TMCC1: variants seen among roughly 807,000 people sequenced by gnomAD.
TMCC1 encodes transmembrane and coiled-coil domains protein 1.
TMCC1 carries 15 observed loss-of-function variants against 52.4 expected under a neutral mutation model. The ratio of observed to expected loss-of-function variants is 0.29; its 90% confidence interval spans 0.19 to 0.44. The LOEUF is 0.44. Among genes scored for constraint, TMCC1 ranks in the 20% least tolerant of loss-of-function variants. The pLI is 1.00. For missense variants in TMCC1, 503 were observed against 806.0 expected (o/e 0.62, Z 4.55); for synonymous variants, 279 against 301.9 (o/e 0.92, Z 0.79).
At chr3:129,706,267 G>A (rs577283727) in intron 4 of TMCC1, among the ~76,000 whole-genome samples, 23 of 151,314 alleles carry the variant, frequency 1.5e-4, no homozygotes, top group African/African-American at 3.2e-4. Flanking sequence ...TGCAGTGCGC[G>A]ATCTCGGCTT....
intron 6 of TMCC1, among the ~76,000 whole-genome samples, chr3:129,652,489 A>G (rs943569205): frequency 6.6e-6 from 1 of 152,208 alleles, no homozygotes; most frequent in Non-Finnish European, 1.5e-5. Flanking sequence ...AATAGAGATC[A>G]TAAGACTGAC....
intron 4 of TMCC1, among the ~76,000 whole-genome samples, chr3:129,801,082 C>T (rs138225849): frequency 6.6e-6 from 1 of 152,038 alleles, no homozygotes; most frequent in African/African-American, 2.4e-5. Context: ...CGCCACCACG[C>T]CCAGCTGATT....
chr3:129,698,487 G>A (rs986555176), intron 4 of TMCC1, among the ~76,000 whole-genome samples: 1 of 152,176 alleles, frequency 6.6e-6, no homozygotes, highest in African/African-American at 2.4e-5. Context: ...CTGTCTGGGA[G>A]AGAATATAAA....
At chr3:129,761,754 G>T (rs1378706193) in intron 4 of TMCC1, among the ~76,000 whole-genome samples, 1 of 152,078 alleles carries the variant, frequency 6.6e-6, no homozygotes, top group African/African-American at 2.4e-5. Context: ...ACTTTGGGAC[G>T]CTGAGGCAGG....
chr3:129,880,941 G>A (rs1437452574), intron 1 of TMCC1, among the ~76,000 whole-genome samples: 2 of 147,478 alleles, frequency 1.4e-5, no homozygotes, highest in African/African-American at 2.5e-5. Flanking sequence ...TTGGCTCACT[G>A]CAACCTCCAC....
At chr3:129,688,422 T>TC in intron 4 of TMCC1, 1 of 985,376 alleles carries the variant, frequency 1.0e-6, no homozygotes, top group Non-Finnish European at 1.2e-6. Context: ...GGGAATGCTT[T>TC]CCCCCACCAA....
chr3:129,832,639 A>T (rs1374536803), intron 3 of TMCC1, 135 bp downstream of exon 3: 1 of 152,146 alleles, frequency 6.6e-6, no homozygotes, highest in African/African-American at 2.4e-5. Context: ...TTATATACAA[A>T]TTGCTTTGTC....
chr3:129,736,512 T>C lies in TMCC1; in HGVS notation c.577-65248A>G, dbSNP rs577506330. Among the ~76,000 whole-genome samples the C allele has an allele frequency of 8.6e-5, 13 of 151,754 alleles. No individual in the cohort carries two copies. The South Asian group carries it at 1.9e-3, about 22-fold the overall frequency. ...AAGGCTGGACTAGTAATGACAATTA[T>C]TATTTTCTTTTCTTTTTTTTTTTTT... On this transcript the variant is annotated intron_variant, in intron 4 of 6. Coordinates refer to ENST00000393238, the MANE Select transcript of TMCC1 (RefSeq NM_001017395.5).
chr3:129,809,651 AG>A (rs1304787219), intron 4 of TMCC1, among the ~76,000 whole-genome samples: 1 of 152,194 alleles, frequency 6.6e-6, no homozygotes, highest in Non-Finnish European at 1.5e-5. Flanking sequence ...AAAAATCTCC[AG>A]GGTGCAAAAG....
intron 4 of TMCC1, among the ~76,000 whole-genome samples, chr3:129,771,646 G>A (rs1158544482): frequency 2.6e-5 from 4 of 151,740 alleles, no homozygotes; most frequent in African/African-American, 9.7e-5. Flanking sequence ...GTGGTGGCAC[G>A]CATCTGTGGT....
intron 2 of TMCC1, among the ~76,000 whole-genome samples, chr3:129,879,311 A>T (rs1006582692): frequency 6.6e-6 from 1 of 152,106 alleles, no homozygotes; most frequent in Non-Finnish European, 1.5e-5. Context: ...TCACAGTGGC[A>T]TATGCCTGCA....
At chr3:129,709,497 A>AAAAGAGAG (rs554837910) in intron 4 of TMCC1, among the ~76,000 whole-genome samples, 30 of 64,072 alleles carry the variant, frequency 4.7e-4, no homozygotes, top group South Asian at 2.3e-3. Flanking sequence ...AAAAAAAAAA[A>AAAAGAGAG]AGAGAGAGAG....
chr3:129,841,939 T>C (rs936496798), intron 2 of TMCC1, among the ~76,000 whole-genome samples: 1 of 152,194 alleles, frequency 6.6e-6, no homozygotes, highest in Non-Finnish European at 1.5e-5. Context: ...CTTTTCTTTA[T>C]AGATTACCCA....
In TMCC1 at chr3:129,663,747, TAA is replaced by T. The variant is rs1486219744; in HGVS notation, c.1511+6581_1511+6582del. On this transcript the variant is annotated intron_variant, in intron 5 of 6. Coordinates refer to ENST00000393238, the MANE Select transcript of TMCC1 (RefSeq NM_001017395.5). ...CTTTCTGGGCAACTTGCAGACTTGG[TAA>T]TGACAGCTTTCTAACATTCTGGCAC... Among the ~76,000 whole-genome samples, 11 of 152,310 alleles carry T rather than the reference TAA, an allele frequency of 7.2e-5. No homozygotes were observed. In the South Asian group the frequency reaches 2.3e-3, roughly 32 times the overall value.
chr3:129,781,538 T>C (rs533988011), intron 4 of TMCC1, among the ~76,000 whole-genome samples: 11 of 152,284 alleles, frequency 7.2e-5, no homozygotes, highest in Admixed American at 1.3e-4. Context: ...AACTTAGTTT[T>C]ATCTTCTTTC....
At chr3:129,755,039 C>T (rs2052876066) in intron 4 of TMCC1, among the ~76,000 whole-genome samples, 1 of 152,136 alleles carries the variant, frequency 6.6e-6, no homozygotes, top group Admixed American at 6.6e-5. Context: ...GATCGCACCA[C>T]TGCACTCCAG....
In TMCC1 at chr3:129,811,744, G is replaced by C. The variant is rs1043694622; in HGVS notation, c.576+16059C>G. Among the ~76,000 whole-genome samples, 15 of 151,976 alleles carry C rather than the reference G, an allele frequency of 9.9e-5. No homozygotes were observed. The South Asian group carries it at 2.9e-3, about 29-fold the overall frequency. On this transcript the variant is annotated intron_variant, in intron 4 of 6. Transcript: ENST00000393238. ...AGATCACCTGAGGTCAGGGGTTCGA[G>C]CCCAGCCTGGCCAACATGGCGAAAC... is the stretch of plus-strand genomic sequence containing the variant.
chr3:129,682,936 A>G (rs2089124211), intron 4 of TMCC1, among the ~76,000 whole-genome samples: 2 of 152,178 alleles, frequency 1.3e-5, no homozygotes, highest in African/African-American at 4.8e-5. Context: ...CCCGGGTTCA[A>G]CTGATTCTCC....
chr3:129,708,361 A>T lies in TMCC1; in HGVS notation c.577-37097T>A, dbSNP rs796384071. Among the ~76,000 whole-genome samples, 16 of 152,308 alleles carry T rather than the reference A, an allele frequency of 1.1e-4. No homozygotes were observed. The South Asian group carries it at 3.3e-3, about 32-fold the overall frequency. On this transcript the variant is annotated intron_variant, in intron 4 of 6. Coordinates refer to ENST00000393238, the MANE Select transcript of TMCC1 (RefSeq NM_001017395.5). ...TTAAAATGTACTGCAATGTAACAAGAGCTTTGTCTGATTTAGATTAAAATC... is the reference window on the plus strand; with the variant it reads ...TTAAAATGTACTGCAATGTAACAAGTGCTTTGTCTGATTTAGATTAAAATC...
Sources: gnomAD v4.1 joint callset for allele counts (sites outside exome capture counted in the v4.1 genomes callset) on GRCh38, gnomAD v4.1.1 for gene constraint, MANE v1.5 for transcripts, NCBI Gene and HGNC (gene_info 2026-07-23, HGNC 2026-07-21) for gene names.